The following VPS54 variants were observed in gnomAD, a reference collection of about 807,000 sequenced individuals.
VPS54 encodes vacuolar protein sorting-associated protein 54.
VPS54 carries 45 observed loss-of-function variants against 121.5 expected under a neutral mutation model. The ratio of observed to expected loss-of-function variants is 0.37; its 90% CI spans 0.29 to 0.47. The LOEUF (loss-of-function observed/expected upper bound fraction) is 0.47. Ranked by LOEUF, VPS54 falls within the 20% of genes least tolerant of loss-of-function variation. VPS54 has a pLI of 0.99. For synonymous variants in VPS54, 371 were observed against 385.8 expected, an observed-to-expected ratio of 0.96 and a Z score of 0.45; for missense variants, 1,090 against 1,131.4, an observed-to-expected ratio of 0.96 and a Z score of 0.52.
intron 3 of VPS54, among the ~76,000 whole-genome samples, chr2:63,972,594 A>G (rs1201020327): frequency 6.6e-6 from 1 of 152,224 alleles, no homozygotes; most frequent in Non-Finnish European, 1.5e-5. Flanking sequence ...TCTAAGATAG[A>G]AACAAATTAG....
intron 1 of VPS54, among the ~76,000 whole-genome samples, chr2:64,003,044 G>A (rs1385358519): frequency 6.6e-6 from 1 of 152,148 alleles, no homozygotes; most frequent in African/African-American, 2.4e-5. Flanking sequence ...CATGGCATCT[G>A]AATCACAAAA....
intron 12 of VPS54, among the ~76,000 whole-genome samples, chr2:63,929,004 C>A (rs1282293861): frequency 6.6e-6 from 1 of 152,068 alleles, no homozygotes; most frequent in East Asian, 1.9e-4. Context: ...TACAGGAGCA[C>A]CCAGATTCAT....
In VPS54 at chr2:64,003,189, A is replaced by G. The variant is rs1285339102; in HGVS notation, c.-21+15749T>C. 2.0e-5 allele frequency among the ~76,000 whole-genome samples: 3 copies of G among 150,056 alleles called. No homozygotes were observed. The East Asian group carries it at 5.8e-4, about 29-fold the overall frequency. On this transcript the variant is annotated intron_variant, in intron 1 of 22. Transcript: ENST00000272322. ...TCAGTTCGAAAAAACAAACAAGCAA[A>G]CAAAATACACAAAATACAGGAAAAC...
chr2:63,921,307 A>G lies in VPS54; in HGVS notation c.1768T>C (p.Ser590Pro). Residue 590 changes from serine (S) to proline (P), a missense_variant, in exon 13 of 23, where the codon TCA becomes CCA. Coordinates refer to ENST00000272322, the MANE Select transcript of VPS54 (RefSeq NM_016516.3). ...MVSEDMKLTD[S>P]ELGKLANNIQ... ...TTATTTGCCAGCTTTCCTAGCTCTGAGTCAGTTAATTTCATATCTTCACTG... is the reference window on the plus strand; with the variant it reads ...TTATTTGCCAGCTTTCCTAGCTCTGGGTCAGTTAATTTCATATCTTCACTG... 1 of 1,613,022 alleles carries G rather than the reference A, an allele frequency of 6.2e-7. No homozygotes were observed. The highest frequency in any genetic ancestry group is 8.5e-7 in the Non-Finnish European group (1 of 1,179,416).
chr2:63,938,554 T>A (rs1258063594), intron 11 of VPS54, among the ~76,000 whole-genome samples: 1 of 151,106 alleles, frequency 6.6e-6, no homozygotes, highest in Non-Finnish European at 1.5e-5. Flanking sequence ...AACCTCCACC[T>A]CCTGGGTTCA....
At chr2:63,988,729 T>C (rs1182112565) in intron 1 of VPS54, among the ~76,000 whole-genome samples, 1 of 152,108 alleles carries the variant, frequency 6.6e-6, no homozygotes, top group Non-Finnish European at 1.5e-5. Context: ...CTCGGGACCC[T>C]GTGATGATTG....
chr2:63,963,368 T>C (rs1483903309), intron 6 of VPS54, among the ~76,000 whole-genome samples: 1 of 152,128 alleles, frequency 6.6e-6, no homozygotes, highest in Non-Finnish European at 1.5e-5. Context: ...TGCCTTTTCT[T>C]CCTTTCTAAC....
rs191355683 is a variant in VPS54, at chr2:63,926,867, C to T, written c.1740-5532G>A. On this transcript the variant is annotated intron_variant, in intron 12 of 22. Transcript: ENST00000272322. ...CCTGGCTCGGTGGGTCCCACACCCA[C>T]GGAGCCTTGCTCACTGGTAGCACAG... Among the ~76,000 whole-genome samples, 1,098 of 152,246 alleles carry T rather than the reference C, an allele frequency of 7.2e-3. 6 individuals carry two copies. The highest frequency in any genetic ancestry group is 0.019 in the South Asian group (90 of 4,818).
At chr2:63,938,656 G>A (rs961811341) in intron 11 of VPS54, among the ~76,000 whole-genome samples, 3 of 152,112 alleles carry the variant, frequency 2.0e-5, no homozygotes, top group African/African-American at 7.2e-5. Context: ...GTAGAGATGG[G>A]GTTTCACCAT....
intron 20 of VPS54, among the ~76,000 whole-genome samples, chr2:63,909,972 C>T (rs1673077529): frequency 6.6e-6 from 1 of 152,106 alleles, no homozygotes; most frequent in African/African-American, 2.4e-5. Context: ...GGTGATCCAC[C>T]TGCCTCAGCC....
chr2:63,949,879 T>C (rs1379537949), intron 7 of VPS54, among the ~76,000 whole-genome samples: 1 of 152,162 alleles, frequency 6.6e-6, no homozygotes, highest in East Asian at 1.9e-4. Flanking sequence ...CATAGAAGAG[T>C]CCATGTCATA....
chr2:63,899,824 A>C (rs185234500), intron 20 of VPS54, among the ~76,000 whole-genome samples: 1 of 152,324 alleles, frequency 6.6e-6, no homozygotes, highest in East Asian at 1.9e-4. Flanking sequence ...GCCTGCTTCC[A>C]ATCTTAGAAC....
At chr2:63,992,203 G>A (rs146193529) in intron 1 of VPS54, among the ~76,000 whole-genome samples, 54 of 152,280 alleles carry the variant, frequency 3.5e-4, no homozygotes, top group East Asian at 1.5e-3. Flanking sequence ...GATAAGACAC[G>A]TGGCCCTGGA....
intron 1 of VPS54, among the ~76,000 whole-genome samples, chr2:64,014,821 C>G (rs1240579217): frequency 6.6e-6 from 1 of 152,128 alleles, no homozygotes; most frequent in Admixed American, 6.5e-5. Flanking sequence ...AACTGAGGCT[C>G]AGAAAGAATA....
At chr2:63,897,306 TAA>T (rs34502946) in intron 22 of VPS54, among the ~76,000 whole-genome samples, 188 bp downstream of exon 22, 26,305 of 151,830 alleles carry the variant, frequency 0.17, 3,037 homozygotes, top group Non-Finnish European at 0.24. Flanking sequence ...TGTCCATGTA[TAA>T]ACCCCTTTTA....
intron 7 of VPS54, among the ~76,000 whole-genome samples, chr2:63,955,166 ACTTTG>A (rs959537797): frequency 1.3e-5 from 2 of 152,032 alleles, no homozygotes; most frequent in African/African-American, 2.4e-5. Context: ...GATAAAACAA[ACTTTG>A]CTTTGCATTG....
At chr2:63,954,555 TAAGTA>T (rs1445694882) in intron 7 of VPS54, among the ~76,000 whole-genome samples, 15 of 152,072 alleles carry the variant, frequency 9.9e-5, no homozygotes, top group East Asian at 3.9e-4. Context: ...TTCCAGTGAA[TAAGTA>T]AAGAAAGTGG....
intron 7 of VPS54, among the ~76,000 whole-genome samples, chr2:63,952,046 T>A (rs1675275408): frequency 6.6e-6 from 1 of 152,200 alleles, no homozygotes; most frequent in Non-Finnish European, 1.5e-5. Flanking sequence ...GTGCCTACCC[T>A]GCGCTAGGCC....
intron 6 of VPS54, among the ~76,000 whole-genome samples, chr2:63,965,181 A>C (rs183923606): frequency 6.6e-6 from 1 of 152,174 alleles, no homozygotes; most frequent in Non-Finnish European, 1.5e-5. Context: ...TTCTTATAAA[A>C]TTAGCCAATG....
Sources: allele counts gnomAD v4.1 joint callset (sites outside exome capture counted in the v4.1 genomes callset), GRCh38; gene constraint gnomAD v4.1.1; transcripts MANE v1.5; gene names NCBI Gene and HGNC (gene_info 2026-07-23, HGNC 2026-07-21).